The following SHTN1 variants were observed in gnomAD, a reference collection of about 807,000 sequenced individuals.
SHTN1 encodes shootin-1.
Under a neutral mutation model 83.1 loss-of-function variants are expected in SHTN1, and 42 were observed. The observed-to-expected ratio is 0.51, with a 90% CI of 0.39 to 0.65. SHTN1 has a LOEUF of 0.65. SHTN1 is among the 30% of genes least tolerant of loss of function. The pLI is 0.00. For missense variants in SHTN1, 622 were observed against 737.8 expected, an observed-to-expected ratio of 0.84 and a Z score of 1.82; for synonymous variants, 224 against 247.7, an observed-to-expected ratio of 0.90 and a Z score of 0.90.
intron 8 of SHTN1, among the ~76,000 whole-genome samples, chr10:116,943,511 G>A (rs908285037): frequency 6.6e-6 from 1 of 152,038 alleles, no homozygotes; most frequent in Non-Finnish European, 1.5e-5. Context: ...TTGCTCCAAC[G>A]TTTTCCAGAG....
intron 1 of SHTN1, among the ~76,000 whole-genome samples, chr10:117,085,555 GGT>G (rs1853337583): frequency 6.6e-6 from 1 of 152,122 alleles, no homozygotes; most frequent in Non-Finnish European, 1.5e-5. Flanking sequence ...GGTCTACCTT[GGT>G]GAATGTTTCA....
At chr10:117,124,354 A>G (rs981853908) in intron 1 of SHTN1, among the ~76,000 whole-genome samples, 6 of 152,156 alleles carry the variant, frequency 3.9e-5, no homozygotes, top group Non-Finnish European at 7.4e-5. Flanking sequence ...TTGACAGTGA[A>G]GCAAAACTCA....
chr10:116,907,715 G>A (rs1024660099), intron 14 of SHTN1, among the ~76,000 whole-genome samples: 3 of 152,140 alleles, frequency 2.0e-5, no homozygotes, highest in East Asian at 1.9e-4. Flanking sequence ...GGGAGGCAGC[G>A]GAGGGAGGGG....
At position 116,945,024 on chromosome 10, in the gene SHTN1, G is replaced by C. The variant is rs546755594; in HGVS notation, c.617-6C>G. ...TTCTACAGCTAACATGGACACTTAAGAAGATAAAGGAAAAAAAAAACCCAG... is the reference window on the plus strand; with the variant it reads ...TTCTACAGCTAACATGGACACTTAACAAGATAAAGGAAAAAAAAAACCCAG... On this transcript the variant is annotated splice_polypyrimidine_tract_variant and splice_region_variant and intron_variant, in intron 7 of 16. Transcript: ENST00000355371. 7.5e-5 allele frequency: 112 copies of C among 1,494,082 alleles called. No homozygotes were observed. The South Asian group carries it at 1.3e-3, about 18-fold the overall frequency. 92.6% of individuals were successfully genotyped at this position (1,494,082 alleles called of 1,614,324 possible). A position where few individuals can be genotyped will look rare whatever the true frequency, so the allele number is the denominator to read the frequency against.
At chr10:116,903,828 A>T (rs776670743) in intron 15 of SHTN1, among the ~76,000 whole-genome samples, 1 of 152,198 alleles carries the variant, frequency 6.6e-6, no homozygotes, top group Non-Finnish European at 1.5e-5. Context: ...TACAGCTCTT[A>T]TATTTTTCTT....
chr10:116,971,889 C>T (rs1049172253), intron 2 of SHTN1, among the ~76,000 whole-genome samples: 3 of 152,164 alleles, frequency 2.0e-5, no homozygotes, highest in Non-Finnish European at 2.9e-5. Context: ...ATTCAATTCT[C>T]GCTTCAGTCA....
rs181284593 is a variant in SHTN1, at chr10:117,087,380, A to G, written c.-188-38870T>C. Among the ~76,000 whole-genome samples, 36 of 152,364 alleles carry G rather than the reference A, an allele frequency of 2.4e-4. No homozygotes were observed. The East Asian group carries it at 6.8e-3, about 29-fold the overall frequency. On this transcript the variant is annotated intron_variant, in intron 1 of 17. Coordinates refer to the SHTN1 transcript ENST00000392901. ...ACACAGAAAATGTTAATAATTAAAG[A>G]CACCATGGTGTTGGATCAGAGTTAG...
intron 10 of SHTN1, 61 bp from the exon 11 acceptor site, chr10:116,927,952 A>G: frequency 6.4e-7 from 1 of 1,562,678 alleles, no homozygotes; most frequent in Non-Finnish European, 8.7e-7. Flanking sequence ...TTGTTTATAC[A>G]TGTGAAAAAA....
chr10:117,018,639 T>C (rs1852218540), intron 2 of SHTN1, among the ~76,000 whole-genome samples: 1 of 150,888 alleles, frequency 6.6e-6, no homozygotes, highest in South Asian at 2.1e-4. Flanking sequence ...TGGCACCATC[T>C]TGGCTCACTG....
intron 15 of SHTN1, among the ~76,000 whole-genome samples, chr10:116,905,408 G>A (rs1385390186): frequency 6.6e-6 from 1 of 152,000 alleles, no homozygotes; most frequent in Non-Finnish European, 1.5e-5. Context: ...TAGTTGTTTT[G>A]GGGGGCACAG....
intron 2 of SHTN1, among the ~76,000 whole-genome samples, chr10:117,025,464 A>C (rs1289533347): frequency 6.6e-6 from 1 of 152,204 alleles, no homozygotes; most frequent in African/African-American, 2.4e-5. Context: ...AAGGCAATCT[A>C]AGGACACAAA....
intron 2 of SHTN1, among the ~76,000 whole-genome samples, chr10:117,010,692 A>G (rs1361350004): frequency 6.6e-6 from 1 of 152,182 alleles, no homozygotes; most frequent in Non-Finnish European, 1.5e-5. Context: ...CAAAATACTA[A>G]CAAACCAAAT....
intron 12 of SHTN1, 112 bp from the exon 13 acceptor site, chr10:116,915,596 T>C (rs1274538864): frequency 1.8e-5 from 12 of 662,608 alleles, no homozygotes; most frequent in Non-Finnish European, 2.9e-5. Context: ...TCATTTTTCA[T>C]TCACAGTTGC....
At chr10:116,957,534 G>A (rs1055585586) in intron 4 of SHTN1, among the ~76,000 whole-genome samples, 8 of 151,752 alleles carry the variant, frequency 5.3e-5, no homozygotes, top group South Asian at 4.2e-4. Flanking sequence ...GATTACAGGC[G>A]TGAGCCACCG....
rs544207568 is a variant in SHTN1, at chr10:117,072,967, CAAG to C, written c.-188-24460_-188-24458del. 2.6e-5 allele frequency among the ~76,000 whole-genome samples: 4 copies of C among 151,990 alleles called. No homozygotes were observed. In the South Asian group the frequency reaches 8.3e-4, roughly 32 times the overall value. ...ATGCAAGGAAATCCAAAAAATGATA[CAAG>C]AAGTGAAGGGAGAAAAATTTAAGGA... On this transcript the variant is annotated intron_variant, in intron 1 of 17. Transcript: ENST00000392901.
At chr10:117,066,084 G>A (rs969974822) in intron 1 of SHTN1, among the ~76,000 whole-genome samples, 1 of 151,916 alleles carries the variant, frequency 6.6e-6, no homozygotes, top group African/African-American at 2.4e-5. Context: ...AAAAGAAAAG[G>A]AAAAGAAACA....
chr10:117,112,058 C>A (rs1029140179), intron 1 of SHTN1, among the ~76,000 whole-genome samples: 1 of 152,108 alleles, frequency 6.6e-6, no homozygotes, highest in East Asian at 1.9e-4. Flanking sequence ...CTCTGCCTCC[C>A]GGATTCAAGC....
At chr10:117,078,317 G>A (rs1326954376) in intron 1 of SHTN1, among the ~76,000 whole-genome samples, 1 of 152,154 alleles carries the variant, frequency 6.6e-6, no homozygotes, top group East Asian at 1.9e-4. Context: ...GTCAGCAGTT[G>A]ACTCACCTTT....
chr10:116,902,564 A>T (rs1847787748), intron 15 of SHTN1, among the ~76,000 whole-genome samples: 1 of 152,220 alleles, frequency 6.6e-6, no homozygotes, highest in Non-Finnish European at 1.5e-5. Context: ...GACAGGATTT[A>T]AAAACCATAA....
Sources: allele counts gnomAD v4.1 joint callset (sites outside exome capture counted in the v4.1 genomes callset), GRCh38; gene constraint gnomAD v4.1.1; transcripts MANE v1.5; gene names NCBI Gene and HGNC (gene_info 2026-07-23, HGNC 2026-07-21).